The following MUC4 variants were observed in gnomAD, a reference collection of about 807,000 sequenced individuals.
MUC4 encodes mucin 4, cell surface associated.
A neutral mutation model predicts 257.9 loss-of-function variants in MUC4; 202 were observed. That is an observed-to-expected ratio of 0.78 (90% CI 0.70 to 0.88). The LOEUF (loss-of-function observed/expected upper bound fraction) is 0.88, where lower values mean the gene tolerates loss of function less well. Ranked by LOEUF, MUC4 falls within the 40% of genes least tolerant of loss-of-function variation. The pLI is 0.00. For synonymous variants in MUC4, 2,351 were observed against 2,757.1 expected, an observed-to-expected ratio of 0.85 and a Z score of 4.62; for missense variants, 5,976 against 6,513.7, an observed-to-expected ratio of 0.92 and a Z score of 2.84.
In MUC4 at chr3:195,779,466, A is replaced by AAC. The variant is rs1726146802; in HGVS notation, c.12113_12114insGT (p.Ser4039PhefsTer221). The AAC allele has an allele frequency of 8.0e-7, 1 of 1,242,332 alleles. No individual in the cohort carries two copies. Among genetic ancestry groups the AAC allele is most frequent in the Non-Finnish European group, 1.1e-6 (1 of 920,528 alleles). The allele number at this position is 1,242,332 out of a possible 1,614,324, so 77.0% of individuals were successfully genotyped here. On this transcript the variant is annotated frameshift_variant, in exon 2 of 25. Transcript: ENST00000463781. LOFTEE classifies it high-confidence loss of function. ...TGGTGTCACCTGTGGATGCTGAGGA[A>AAC]GTGCTGGTGACAGGAACAGGGGTGG...
chr3:195,805,843 C>T (rs115336718), intron 1 of MUC4, among the ~76,000 whole-genome samples: 2,061 of 152,160 alleles, frequency 0.014, 60 homozygotes, highest in African/African-American at 0.047. Context: ...GGGCCGGGCG[C>T]AGTGGCTCAC....
Position 195,782,696 on chromosome 3 carries a change from G to T in MUC4, c.8884C>A (p.Pro2962Thr). 3 of 1,339,452 alleles carry T rather than the reference G, an allele frequency of 2.2e-6. No homozygotes were observed. Among genetic ancestry groups the T allele is most frequent in the Non-Finnish European group, 3.0e-6 (3 of 986,566 alleles). 83.0% of individuals were successfully genotyped at this position (1,339,452 alleles called of 1,614,324 possible). The change falls in exon 2 of 25, where the codon CCT (proline) becomes ACT (threonine). Residue 2962 changes from proline to threonine, a missense_variant. Physicochemically the swap from Pro to Thr is conservative, Grantham distance 38 (BLOSUM62 -1). This residue lies in a region of MUC4 where 13 missense variants were observed against 52.4 expected (regional missense o/e 0.25). Coordinates refer to ENST00000463781, the MANE Select transcript of MUC4 (RefSeq NM_018406.7). ...SASTGHATSL[P>T]VTDTSSASTG... is the part of the protein sequence containing the mutation. ...GATGCTGAGGAAGTGTCGGTGACAGGAAGAGAGGTGGCGTGACCTGTGGAT... is the reference window on the plus strand; with the variant it reads ...GATGCTGAGGAAGTGTCGGTGACAGTAAGAGAGGTGGCGTGACCTGTGGAT...
At position 195,790,117 on chromosome 3, in the gene MUC4, C is replaced by A; in HGVS notation, c.1463G>T (p.Trp488Leu). ...GCCTTTGCTGGAGAATGAGGAAGGCCATGTTGTTGTTTCATGTAGAGTAAA... is the reference window on the plus strand; with the variant it reads ...GCCTTTGCTGGAGAATGAGGAAGGCAATGTTGTTGTTTCATGTAGAGTAAA... ...EIFTLHETTTWPSSFSSKGHT... is the reference protein window; with the variant it reads ...EIFTLHETTTLPSSFSSKGHT... The change falls in exon 2 of 25, where the codon TGG becomes TTG. Residue 488 changes from tryptophan (W) to leucine (L), a missense_variant. This residue lies in a region of MUC4 where 1,583 missense variants were observed against 1,257.4 expected (regional missense o/e 1.26). Transcript: ENST00000463781. 6.2e-7 allele frequency: 1 copy of A among 1,613,912 alleles called. No homozygotes were observed. Among genetic ancestry groups the A allele is most frequent in the Non-Finnish European group, 8.5e-7 (1 of 1,179,898 alleles).
In MUC4 at chr3:195,789,364, G is replaced by C. The variant is rs957011392; in HGVS notation, c.2216C>G (p.Thr739Ser). Residue 739 changes from threonine to serine, a missense_variant, in exon 2 of 25, where the codon ACT (threonine) becomes AGT (serine). Transcript: ENST00000463781. The part of the protein sequence containing the change: ...GTSLSKTGAL[T>S]LANSVVSTPG... ...TGTTGACACTACAGAGTTGGCCAGA[G>C]TAAGGGCACCTGTTTTGGAAAGTGA... is the stretch of plus-strand genomic sequence containing the variant. 3 of 1,613,834 alleles carry C rather than the reference G, an allele frequency of 1.9e-6. No homozygotes were observed. Among genetic ancestry groups the C allele is most frequent in the East Asian group, 2.2e-5 (1 of 44,878 alleles).
chr3:195,774,559 C>T (rs981851102), intron 3 of MUC4, among the ~76,000 whole-genome samples: 1 of 152,174 alleles, frequency 6.6e-6, no homozygotes, highest in South Asian at 2.1e-4. Flanking sequence ...GTCAGAATAC[C>T]AGCAAACGAT....
chr3:195,766,440 C>T (rs1440351424), intron 8 of MUC4, among the ~76,000 whole-genome samples: 1 of 152,056 alleles, frequency 6.6e-6, no homozygotes, highest in East Asian at 1.9e-4. Context: ...GAGATGTAGC[C>T]CCCTCTGAGA....
intron 1 of MUC4, among the ~76,000 whole-genome samples, chr3:195,796,049 C>A (rs1026832208): frequency 2.0e-5 from 3 of 151,806 alleles, no homozygotes; most frequent in African/African-American, 7.3e-5. Flanking sequence ...AAGAAAAAAA[C>A]CTGGCTAAAA....
rs879480602 is a variant in MUC4, at chr3:195,783,116, C to G, written c.8464G>C (p.Ala2822Pro). 9 of 1,136,022 alleles carry G rather than the reference C, an allele frequency of 7.9e-6. 1 individual carries two copies. The highest frequency in any genetic ancestry group is 8.8e-5 in the East Asian group (2 of 22,848). The allele number at this position is 1,136,022 out of a possible 1,614,324, so 70.4% of individuals were successfully genotyped here. The stretch of plus-strand genomic sequence containing the variant: ...GCATGACCTGTGAACACTGAGGAAG[C>G]GTCGGTGACAGGAAGAGAGGTGGCG... The part of the protein sequence containing the change: ...GHATSLPVTD[A>P]SSVFTGHATS... The change falls in exon 2 of 25, where the codon GCT becomes CCT. Residue 2822 changes from alanine to proline, a missense_variant. Physicochemically the swap from Ala to Pro is conservative, Grantham distance 27. This residue lies in a region of MUC4 where 228 missense variants were observed against 206.3 expected (regional missense o/e 1.11). Transcript: ENST00000463781.
chr3:195,772,350 C>T (rs113272420), intron 4 of MUC4, among the ~76,000 whole-genome samples: 4,224 of 131,758 alleles, frequency 0.032, 165 homozygotes, highest in Middle Eastern at 0.12. Context: ...CACCCTCTCT[C>T]CATCGCTCAG....
chr3:195,790,249 G>C lies in MUC4; in HGVS notation c.1331C>G (p.Pro444Arg), dbSNP rs1733691395. The part of the protein sequence containing the change: ...LSTALSPSSL[P>R]PKISTAFHTQ... ...GTGGAAAGCTGTGGATATTTTTGGA[G>C]GTAGAGAACTGGGGGAGAGTGCTGT... Residue 444 changes from proline to arginine, a missense_variant, in exon 2 of 25, where the codon CCT becomes CGT. Physicochemically the swap from Pro to Arg is moderately radical, Grantham distance 103 (BLOSUM62 -2). This residue lies in a region of MUC4 where 1,583 missense variants were observed against 1,257.4 expected (regional missense o/e 1.26). Transcript: ENST00000463781. 6.2e-7 allele frequency: 1 copy of C among 1,613,916 alleles called. No individual in the cohort carries two copies. The highest frequency in any genetic ancestry group is 1.1e-5 in the South Asian group (1 of 91,088).
intron 1 of MUC4, among the ~76,000 whole-genome samples, chr3:195,802,762 G>C (rs1051159419): frequency 1.3e-5 from 2 of 152,208 alleles, no homozygotes; most frequent in Non-Finnish European, 2.9e-5. Flanking sequence ...TCTGTAATAA[G>C]AAATGGCCAC....
At chr3:195,766,111 C>T (rs1720420515) in intron 8 of MUC4, among the ~76,000 whole-genome samples, 1 of 152,156 alleles carries the variant, frequency 6.6e-6, no homozygotes, top group Non-Finnish European at 1.5e-5. Flanking sequence ...CAGGTGTGCA[C>T]CACAACGTCT....
At chr3:195,803,087 C>T (rs1043480360) in intron 1 of MUC4, among the ~76,000 whole-genome samples, 1 of 152,130 alleles carries the variant, frequency 6.6e-6, no homozygotes, top group Non-Finnish European at 1.5e-5. Context: ...GTGCGAGGAT[C>T]GAATTATATG....
At chr3:195,771,977 CT>C in intron 4 of MUC4, among the ~76,000 whole-genome samples, 161 bp from the exon 5 acceptor site, 1 of 152,168 alleles carries the variant, frequency 6.6e-6, no homozygotes, top group East Asian at 1.9e-4. Context: ...GGGGAGAGCC[CT>C]TTCCATATAT....
intron 1 of MUC4, among the ~76,000 whole-genome samples, chr3:195,801,438 G>A (rs1262422890): frequency 1.3e-5 from 2 of 151,558 alleles, no homozygotes; most frequent in Admixed American, 6.6e-5. Context: ...CACCCTCCCC[G>A]GGGCCCCGGG....
Position 195,775,398 on chromosome 3 carries a change from T to A in MUC4, c.12944-1093A>T, listed in dbSNP as rs532927576. On this transcript the variant is annotated intron_variant, in intron 3 of 24. Coordinates refer to ENST00000463781, the MANE Select transcript of MUC4 (RefSeq NM_018406.7). ...ACCACACTCGTACCTTCCACACCCA[T>A]ACCTTCCACACCCATACCTTCCACA... 2.6e-5 allele frequency among the ~76,000 whole-genome samples: 3 copies of A among 116,034 alleles called. No homozygotes were observed. In the South Asian group the frequency reaches 8.3e-4, roughly 32 times the overall value. The allele number at this position is 116,034 out of a possible 152,430, so 76.1% of individuals were successfully genotyped here.
At chr3:195,764,749 C>T (rs1720051415) in intron 10 of MUC4, among the ~76,000 whole-genome samples, 2 of 152,096 alleles carry the variant, frequency 1.3e-5, no homozygotes, top group African/African-American at 2.4e-5. Flanking sequence ...TCTCTTCTTG[C>T]CTGGAGAAAT....
At chr3:195,811,301 G>A (rs967134209) in intron 1 of MUC4, among the ~76,000 whole-genome samples, 3 of 151,964 alleles carry the variant, frequency 2.0e-5, no homozygotes, top group Non-Finnish European at 2.9e-5. Flanking sequence ...AGACTCCTGA[G>A]TAGCTGGAAT....
chr3:195,787,977 A>T lies in MUC4; in HGVS notation c.3603T>A (p.Leu1201=). ...SSASTGHATP[L]LVTDTSSAST... ...ATGCTGAGGAAGTGTCGGTGACAAG[A>T]AGAGGGGTGGCGTGACCTGTGGATG... The change falls in exon 2 of 25, where the codon CTT becomes CTA. Residue 1201 remains leucine, a synonymous_variant. Transcript: ENST00000463781. 1 of 1,283,376 alleles carries T rather than the reference A, an allele frequency of 7.8e-7. No homozygotes were observed. The highest frequency in any genetic ancestry group is 1.0e-6 in the Non-Finnish European group (1 of 958,192). 79.5% of individuals were successfully genotyped at this position (1,283,376 alleles called of 1,614,324 possible).
Sources: gnomAD v4.1 joint callset for allele counts (sites outside exome capture counted in the v4.1 genomes callset) on GRCh38, gnomAD v4.1.1 for gene constraint, gnomAD v4.1.1 regional missense constraint, MANE v1.5 for transcripts, NCBI Gene and HGNC (gene_info 2026-07-23, HGNC 2026-07-21) for gene names.